ASIC2: variants seen among roughly 807,000 people sequenced by gnomAD.
The protein encoded by ASIC2 is acid sensing ion channel subunit 2.
In ASIC2, 25 loss-of-function variants were observed where a neutral mutation model predicts 57.3. That is an observed-to-expected ratio of 0.44 (90% confidence interval 0.32 to 0.61). The LOEUF is 0.61. Ranked by LOEUF, ASIC2 falls within the 20% of genes least tolerant of loss-of-function variation. The pLI is 0.06. For synonymous variants in ASIC2, 319 were observed against 307.5 expected, an observed-to-expected ratio of 1.04 and a Z score of -0.39; for missense variants, 641 against 738.1, an observed-to-expected ratio of 0.87 and a Z score of 1.52.
At chr17:33,138,502 T>C (rs1597598263) in intron 1 of ASIC2, among the ~76,000 whole-genome samples, 1 of 152,310 alleles carries the variant, frequency 6.6e-6, no homozygotes, top group East Asian at 1.9e-4. Flanking sequence ...AGACCTTCAC[T>C]CGGAAGTCCT....
chr17:33,316,742 T>C (rs1906672482), intron 1 of ASIC2, among the ~76,000 whole-genome samples: 1 of 152,246 alleles, frequency 6.6e-6, no homozygotes, highest in African/African-American at 2.4e-5. Context: ...TTGTGTTTAC[T>C]GATCATCGCC....
intron 1 of ASIC2, among the ~76,000 whole-genome samples, chr17:33,650,818 T>C (rs953739572): frequency 2.0e-5 from 3 of 152,198 alleles, no homozygotes; most frequent in Non-Finnish European, 1.5e-5. Context: ...TCCCAAGAGT[T>C]TAGCAGGGAC....
intron 1 of ASIC2, among the ~76,000 whole-genome samples, chr17:33,587,342 G>A (rs969401810): frequency 3.3e-5 from 5 of 152,150 alleles, no homozygotes; most frequent in African/African-American, 7.2e-5. Context: ...AGATCTCAGG[G>A]TCAGTTCAGT....
chr17:33,448,069 A>AAATAAAATAC (rs1912098758), intron 1 of ASIC2, among the ~76,000 whole-genome samples: 1 of 149,982 alleles, frequency 6.7e-6, no homozygotes, highest in Non-Finnish European at 1.5e-5. Flanking sequence ...AAATAAAATA[A>AAATAAAATAC]AATAAAATAA....
chr17:33,996,129 T>G (rs1297835032), intron 1 of ASIC2, among the ~76,000 whole-genome samples: 3 of 152,174 alleles, frequency 2.0e-5, no homozygotes, highest in African/African-American at 4.8e-5. Context: ...TCATATACCT[T>G]TAGGCCATTT....
chr17:33,433,472 C>T (rs905575560), intron 1 of ASIC2, among the ~76,000 whole-genome samples: 9 of 152,142 alleles, frequency 5.9e-5, no homozygotes, highest in African/African-American at 2.2e-4. Context: ...ACCTTGATGA[C>T]CGGCCAGGCA....
At chr17:33,359,444 A>T (rs1251840177) in intron 1 of ASIC2, among the ~76,000 whole-genome samples, 1 of 152,170 alleles carries the variant, frequency 6.6e-6, no homozygotes, top group Non-Finnish European at 1.5e-5. Flanking sequence ...GTATGAGGCC[A>T]CCACTACCTA....
At chr17:33,865,269 A>C (rs1412038810) in intron 1 of ASIC2, among the ~76,000 whole-genome samples, 2 of 152,212 alleles carry the variant, frequency 1.3e-5, no homozygotes, top group East Asian at 3.8e-4. Flanking sequence ...TGTGAATTGT[A>C]AGCCACATTT....
At position 33,967,696 on chromosome 17, in the gene ASIC2, A is replaced by G. The variant is rs79915159; in HGVS notation, c.555+188282T>C. Among the ~76,000 whole-genome samples the G allele has an allele frequency of 1.7e-3, 260 of 152,350 alleles. 1 individual carries two copies. Among genetic ancestry groups the G allele is most frequent in the African/African-American group, 4.8e-3 (200 of 41,580 alleles). On this transcript the variant is annotated intron_variant, in intron 1 of 9. Transcript: ENST00000359872. Reference sequence around the variant, plus strand: ...TAATATACGCCATAGCAAAATGGGTAACACTGCTCTCGACAGTATATCTGA... The same window carrying G: ...TAATATACGCCATAGCAAAATGGGTGACACTGCTCTCGACAGTATATCTGA...
At chr17:33,892,665 G>A (rs888057285) in intron 1 of ASIC2, among the ~76,000 whole-genome samples, 1 of 152,176 alleles carries the variant, frequency 6.6e-6, no homozygotes, top group Non-Finnish European at 1.5e-5. Flanking sequence ...AATAAGAATA[G>A]CATTTTCCTT....
intron 1 of ASIC2, among the ~76,000 whole-genome samples, chr17:33,803,064 A>G (rs1260111484): frequency 2.0e-5 from 3 of 152,168 alleles, no homozygotes; most frequent in African/African-American, 7.2e-5. Context: ...TGTTCTGAGT[A>G]ATGAGGAAAT....
Position 33,419,067 on chromosome 17 carries a change from G to A in ASIC2, c.556-307000C>T, listed in dbSNP as rs1910958740. Among the ~76,000 whole-genome samples, 3 of 152,290 alleles carry A rather than the reference G, an allele frequency of 2.0e-5. No individual in the cohort carries two copies. The South Asian group carries it at 6.2e-4, about 32-fold the overall frequency. On this transcript the variant is annotated intron_variant, in intron 1 of 9. Coordinates refer to the ASIC2 transcript ENST00000359872. The stretch of plus-strand genomic sequence containing the variant: ...ATATACCTATGTAAGAAACCTGCAT[G>A]TCCTACACATGTACCCCATAACTTA...
intron 1 of ASIC2, among the ~76,000 whole-genome samples, chr17:33,940,164 C>T (rs1916153976): frequency 6.6e-6 from 1 of 152,188 alleles, no homozygotes; most frequent in African/African-American, 2.4e-5. Context: ...TGCCCAACTC[C>T]GAGGATCATA....
chr17:33,835,863 G>T (rs1313952588), intron 1 of ASIC2, among the ~76,000 whole-genome samples: 1 of 151,650 alleles, frequency 6.6e-6, no homozygotes, highest in East Asian at 1.9e-4. Flanking sequence ...TCCCAGGCTG[G>T]TCTTGAAATC....
chr17:34,080,422 GA>G (rs1320116593), intron 1 of ASIC2, among the ~76,000 whole-genome samples: 1 of 152,218 alleles, frequency 6.6e-6, no homozygotes, highest in Non-Finnish European at 1.5e-5. Context: ...CAGTGAATGA[GA>G]AAGGGGAACA....
intron 1 of ASIC2, among the ~76,000 whole-genome samples, chr17:33,890,926 A>G (rs1408651697): frequency 2.6e-5 from 4 of 151,782 alleles, no homozygotes; most frequent in African/African-American, 9.7e-5. Context: ...AGCAGCAGAC[A>G]CTCTGATCCA....
chr17:33,479,922 C>T (rs1913348906), intron 1 of ASIC2, among the ~76,000 whole-genome samples: 1 of 152,144 alleles, frequency 6.6e-6, no homozygotes. Flanking sequence ...CCTCCTCCTC[C>T]CCTTTGCTTC....
At chr17:33,606,691 C>CATGA (rs766008841) in intron 1 of ASIC2, among the ~76,000 whole-genome samples, 68 of 152,218 alleles carry the variant, frequency 4.5e-4, no homozygotes, top group South Asian at 8.3e-4. Flanking sequence ...TTTACTGATT[C>CATGA]ATGAATGAAT....
intron 1 of ASIC2, among the ~76,000 whole-genome samples, chr17:33,940,840 G>A (rs1189046202): frequency 4.6e-5 from 7 of 152,208 alleles, no homozygotes; most frequent in Admixed American, 4.6e-4. Flanking sequence ...TCAAAGGATG[G>A]TGGTGATGCA....
Sources: allele counts gnomAD v4.1 joint callset (sites outside exome capture counted in the v4.1 genomes callset), GRCh38; gene constraint gnomAD v4.1.1; transcripts MANE v1.5; gene names NCBI Gene and HGNC (gene_info 2026-07-23, HGNC 2026-07-21).